The following USH2A variants were observed in gnomAD, a reference collection of about 807,000 sequenced individuals.
The protein encoded by USH2A is Usher syndrome 2A (autosomal recessive, mild).
In USH2A, 443 loss-of-function variants were observed where a neutral mutation model predicts 538.9. The observed-to-expected ratio is 0.82, with a 90% CI of 0.76 to 0.89. The LOEUF (loss-of-function observed/expected upper bound fraction) is 0.89. USH2A is among the 40% of genes least tolerant of loss of function. The probability of loss-of-function intolerance (pLI) is 0.00; values close to 1 mark genes in which losing one functional copy is unlikely to be tolerated. For synonymous variants in USH2A, 2,413 were observed against 2,273.5 expected (o/e 1.06, Z -1.75); for missense variants, 6,633 against 6,324.8 (o/e 1.05, Z -1.65).
At chr1:215,785,809 T>G (rs1002294303) in intron 52 of USH2A, among the ~76,000 whole-genome samples, 6 of 152,108 alleles carry the variant, frequency 3.9e-5, no homozygotes, top group African/African-American at 1.2e-4. Flanking sequence ...TATTGCCCCT[T>G]GGTTGAGTAA....
rs993134836 is a variant in USH2A, at chr1:216,207,288, C to A, written c.3301G>T (p.Asp1101Tyr). 1 of 1,613,940 alleles carries A rather than the reference C, an allele frequency of 6.2e-7. No homozygotes were observed. Among genetic ancestry groups the A allele is most frequent in the Non-Finnish European group, 8.5e-7 (1 of 1,179,904 alleles). Residue 1101 changes from aspartate to tyrosine, a missense_variant, in exon 16 of 72, where the codon GAT (aspartate) becomes TAT (tyrosine). Coordinates refer to ENST00000307340, the MANE Select transcript of USH2A (RefSeq NM_206933.4). ...RDGFEIYTTE[D>Y]QYPYSIQYFL... The stretch of plus-strand genomic sequence containing the variant: ...TTAAACTCACTGTATGGGTATTGAT[C>A]CTCTGTTGTGTAGATTTCAAAACCA...
At chr1:215,636,081 G>C (rs1158400594) in intron 69 of USH2A, among the ~76,000 whole-genome samples, 1 of 152,090 alleles carries the variant, frequency 6.6e-6, no homozygotes, top group African/African-American at 2.4e-5. Context: ...GTGGAGATGT[G>C]AGCCAGAGAG....
chr1:216,260,454 G>A (rs917178779), intron 11 of USH2A, among the ~76,000 whole-genome samples: 1 of 152,106 alleles, frequency 6.6e-6, no homozygotes, highest in African/African-American at 2.4e-5. Flanking sequence ...TGTCCCCAGA[G>A]GAACTTTCTG....
intron 56 of USH2A, among the ~76,000 whole-genome samples, chr1:215,762,168 G>A (rs972596139): frequency 1.3e-5 from 2 of 152,126 alleles, no homozygotes; most frequent in Non-Finnish European, 2.9e-5. Flanking sequence ...GTACACATTT[G>A]TATGTGGGTT....
intron 36 of USH2A, among the ~76,000 whole-genome samples, chr1:215,969,372 G>T (rs966226530): frequency 6.6e-6 from 1 of 152,140 alleles, no homozygotes; most frequent in South Asian, 2.1e-4. Context: ...TAAGGTTAAC[G>T]TAGCTACTGT....
intron 21 of USH2A, among the ~76,000 whole-genome samples, chr1:216,132,687 T>A (rs1221985777): frequency 1.3e-5 from 2 of 152,126 alleles, no homozygotes; most frequent in Non-Finnish European, 2.9e-5. Flanking sequence ...TAACTTTCTA[T>A]ATACAGCTGG....
chr1:215,836,474 ATATATAATATATAT>A (rs1213474507), intron 47 of USH2A, among the ~76,000 whole-genome samples: 3 of 5,024 alleles, frequency 6.0e-4, no homozygotes, highest in African/African-American at 7.7e-4. Flanking sequence ...TTATATATAT[ATATATAATATATAT>A]TATATATATA....
In USH2A at chr1:216,198,416, G is replaced by C. The variant is rs774663133; in HGVS notation, c.3980C>G (p.Thr1327Ser). The change falls in exon 18 of 72, where the codon ACT becomes AGT. Residue 1327 changes from threonine (T) to serine (S), a missense_variant. Coordinates refer to ENST00000307340, the MANE Select transcript of USH2A (RefSeq NM_206933.4). Reference protein sequence around the residue: ...LKPPQTMTTITGLEPYTKYEF... With the variant: ...LKPPQTMTTISGLEPYTKYEF... ...ATACTTGGTGTATGGCTCCAAGCCAGTGATGGTTGTCATTGTTTGAGGAGG... is the reference window on the plus strand; with the variant it reads ...ATACTTGGTGTATGGCTCCAAGCCACTGATGGTTGTCATTGTTTGAGGAGG... The C allele has an allele frequency of 2.5e-6, 4 of 1,614,012 alleles. No homozygotes were observed. The South Asian group carries it at 4.4e-5, about 18-fold the overall frequency.
chr1:215,932,075 A>G (rs555179210), intron 38 of USH2A, among the ~76,000 whole-genome samples: 1 of 152,134 alleles, frequency 6.6e-6, no homozygotes, highest in African/African-American at 2.4e-5. Flanking sequence ...TTTTAAAAGT[A>G]TGCAAAAGAA....
At position 216,321,968 on chromosome 1, in the gene USH2A, C is replaced by T. The variant is rs1042876563; in HGVS notation, c.1559G>A (p.Cys520Tyr). The T allele has an allele frequency of 1.2e-6, 2 of 1,613,790 alleles. No homozygotes were observed. Among genetic ancestry groups the T allele is most frequent in the Non-Finnish European group, 1.7e-6 (2 of 1,179,830 alleles). The change falls in exon 9 of 72, where the codon TGC (cysteine) becomes TAC (tyrosine). Residue 520 changes from cysteine (C) to tyrosine (Y), a missense_variant. Physicochemically the swap from Cys to Tyr is radical, Grantham distance 194. Coordinates refer to ENST00000307340, the MANE Select transcript of USH2A (RefSeq NM_206933.4). ...GTCGCAGTTATCGGCATGACCATGG[C>T]ACTGACATCTGCAAACATGAGCATC... The part of the protein sequence containing the change: ...DEITISGRCQ[C>Y]HGHADNCDTT...
chr1:216,185,518 T>C (rs182401348), intron 20 of USH2A, among the ~76,000 whole-genome samples: 1 of 152,058 alleles, frequency 6.6e-6, no homozygotes, highest in Admixed American at 6.6e-5. Flanking sequence ...TTTTTCAAAA[T>C]TTTTGAATGG....
chr1:216,363,968 A>C (rs1053708249), intron 4 of USH2A, among the ~76,000 whole-genome samples: 3 of 151,522 alleles, frequency 2.0e-5, no homozygotes, highest in Non-Finnish European at 2.9e-5. Context: ...CTATCTCTGA[A>C]GATAGAAATA....
intron 37 of USH2A, among the ~76,000 whole-genome samples, chr1:215,942,709 A>G (rs1340062598): frequency 6.6e-6 from 1 of 152,192 alleles, no homozygotes; most frequent in Non-Finnish European, 1.5e-5. Context: ...TAAAAGAAGA[A>G]AGAGATGGTA....
intron 11 of USH2A, among the ~76,000 whole-genome samples, chr1:216,276,104 T>C (rs2036665648): frequency 6.6e-6 from 1 of 152,182 alleles, no homozygotes; most frequent in Non-Finnish European, 1.5e-5. Flanking sequence ...ACTTGTGTGA[T>C]ATTGGAGGAG....
chr1:216,181,914 A>G (rs2034501261), intron 20 of USH2A, among the ~76,000 whole-genome samples: 1 of 152,116 alleles, frequency 6.6e-6, no homozygotes, highest in African/African-American at 2.4e-5. Context: ...GACACAATTT[A>G]TTATTTTGTG....
rs138279420 is a variant in USH2A, at chr1:216,293,577, T to C, written c.1645-1207A>G. Among the ~76,000 whole-genome samples, 941 of 152,342 alleles carry C rather than the reference T, an allele frequency of 6.2e-3. 6 individuals are homozygous for C. Among genetic ancestry groups the C allele is most frequent in the Middle Eastern group, 0.027 (8 of 294 alleles). On this transcript the variant is annotated intron_variant, in intron 9 of 71. Coordinates refer to ENST00000307340, the MANE Select transcript of USH2A (RefSeq NM_206933.4). ...GAATCTCTCAAACCTCAGTAGTGACTATTTCTTCTATGACTCCACTTAGGT... is the reference window on the plus strand; with the variant it reads ...GAATCTCTCAAACCTCAGTAGTGACCATTTCTTCTATGACTCCACTTAGGT...
At chr1:215,819,797 G>A (rs1272614725) in intron 47 of USH2A, among the ~76,000 whole-genome samples, 1 of 151,722 alleles carries the variant, frequency 6.6e-6, no homozygotes, top group Non-Finnish European at 1.5e-5. Context: ...AACATGAACA[G>A]TTTGCTTTTG....
intron 35 of USH2A, among the ~76,000 whole-genome samples, chr1:215,986,495 C>A (rs1667878154): frequency 6.6e-6 from 1 of 151,920 alleles, no homozygotes; most frequent in South Asian, 2.1e-4. Flanking sequence ...CAAATCCTGA[C>A]CACAGTAAAA....
intron 38 of USH2A, among the ~76,000 whole-genome samples, chr1:215,924,998 G>GT (rs1343792519): frequency 6.6e-6 from 1 of 152,010 alleles, no homozygotes; most frequent in African/African-American, 2.4e-5. Context: ...TTTCTAAGGT[G>GT]TTTTTATAAG....
Sources: allele counts gnomAD v4.1 joint callset (sites outside exome capture counted in the v4.1 genomes callset), GRCh38; gene constraint gnomAD v4.1.1; transcripts MANE v1.5; gene names NCBI Gene and HGNC (gene_info 2026-07-23, HGNC 2026-07-21).